The following LRCH3 variants were observed in gnomAD, a reference collection of about 807,000 sequenced individuals.
LRCH3 encodes DISP complex protein LRCH3.
Under a neutral mutation model 104.5 loss-of-function variants are expected in LRCH3, and 68 were observed. That is an observed-to-expected ratio of 0.65 (90% CI 0.54 to 0.80). The LOEUF is 0.80. LRCH3 is among the 30% of genes least tolerant of loss of function. The pLI is 0.00. For missense variants in LRCH3, 951 were observed against 953.9 expected, an observed-to-expected ratio of 1.00 and a Z score of 0.04; for synonymous variants, 344 against 361.3, an observed-to-expected ratio of 0.95 and a Z score of 0.54.
rs183563096 is a variant in LRCH3 at position 197,813,897 on chromosome 3, T to C, written c.263-1011T>C. Among the ~76,000 whole-genome samples, 365 of 152,296 alleles carry C rather than the reference T, an allele frequency of 2.4e-3. 2 individuals are homozygous for C. Among genetic ancestry groups the C allele is most frequent in the African/African-American group, 8.1e-3 (336 of 41,568 alleles). On this transcript the variant is annotated intron_variant, in intron 1 of 20. Transcript: ENST00000425562. ...TCATTGATGTTCAATTCTAGATCCA[T>C]TAATTCATAGGGGTTTTAAAATTGT...
intron 4 of LRCH3, among the ~76,000 whole-genome samples, chr3:197,826,511 G>C (rs1160428541): frequency 3.9e-5 from 6 of 152,192 alleles, no homozygotes; most frequent in Admixed American, 3.9e-4. Flanking sequence ...GAGAAGGATA[G>C]TGCCCCAGCT....
chr3:197,841,405 G>A lies in LRCH3; in HGVS notation c.1328+2008G>A, dbSNP rs544229764. Among the ~76,000 whole-genome samples, 3 of 152,220 alleles carry A rather than the reference G, an allele frequency of 2.0e-5. No homozygotes were observed. The South Asian group carries it at 6.2e-4, about 32-fold the overall frequency. On this transcript the variant is annotated intron_variant, in intron 10 of 20. Transcript: ENST00000425562. ...ACAGGCCAAATCCTCCTTATGTTTGGAATCTTTCTTACTTCCCTTTCTGCC... is the reference window on the plus strand; with the variant it reads ...ACAGGCCAAATCCTCCTTATGTTTGAAATCTTTCTTACTTCCCTTTCTGCC...
At chr3:197,825,605 G>T (rs1261844033) in intron 4 of LRCH3, among the ~76,000 whole-genome samples, 2 of 146,340 alleles carry the variant, frequency 1.4e-5, no homozygotes, top group African/African-American at 2.5e-5. Context: ...TCAGCCTCCC[G>T]AGTAGCTGGG....
chr3:197,883,503 CTTTTT>C lies in LRCH3; in HGVS notation c.2209-36_2209-32del, dbSNP rs893736948. ...AGTTCTATGATATTCATCCGATTTT[CTTTTT>C]TGTTTGTTTTCATGTTACGTTGTCC... On this transcript the variant is annotated intron_variant, in intron 20 of 20. Coordinates refer to ENST00000425562, the MANE Select transcript of LRCH3 (RefSeq NM_001365715.1). The surrounding 1 kb of genome is among the most constrained non-coding windows in gnomAD (Gnocchi z 4.2). 2.6e-6 allele frequency: 4 copies of C among 1,517,098 alleles called. No homozygotes were observed. The highest frequency in any genetic ancestry group is 3.5e-6 in the Non-Finnish European group (4 of 1,136,504). The allele number at this position is 1,517,098 out of a possible 1,614,324, so 94.0% of individuals were successfully genotyped here.
Position 197,847,460 on chromosome 3 carries a change from G to C in LRCH3, c.1380G>C (p.Gln460His). ...SLLSLSASHN[Q>H]LSHTDLELHQ... ...TGTCACTATCAGCAAGTCACAATCA[G>C]GTAATGTTTAGTAGTTGTGTTTATT... is the stretch of plus-strand genomic sequence containing the variant. Residue 460 changes from glutamine (Q) to histidine (H), a missense_variant and splice_region_variant, in exon 11 of 21, where the codon CAG (glutamine) becomes CAC (histidine). Transcript: ENST00000425562. The C allele has an allele frequency of 6.3e-7, 1 of 1,598,176 alleles. No homozygotes were observed. The highest frequency in any genetic ancestry group is 8.5e-7 in the Non-Finnish European group (1 of 1,174,106).
At chr3:197,813,822 C>T (rs1489077634) in intron 1 of LRCH3, among the ~76,000 whole-genome samples, 16 of 152,060 alleles carry the variant, frequency 1.1e-4, no homozygotes, top group African/African-American at 2.9e-4. Context: ...TGAGCCACCG[C>T]GCCTGGCCTG....
At chr3:197,816,181 A>T (rs1337895900) in intron 2 of LRCH3, among the ~76,000 whole-genome samples, 4 of 152,208 alleles carry the variant, frequency 2.6e-5, no homozygotes, top group African/African-American at 9.6e-5. Flanking sequence ...TCAGTAAAAG[A>T]TCTTACAAAT....
At chr3:197,815,537 T>C (rs1448755077) in intron 2 of LRCH3, among the ~76,000 whole-genome samples, 1 of 152,206 alleles carries the variant, frequency 6.6e-6, no homozygotes, top group Non-Finnish European at 1.5e-5. Flanking sequence ...AAGTCAGCTG[T>C]TGTTAGTTGG....
chr3:197,835,841 C>A lies in LRCH3; in HGVS notation c.1251+19C>A, dbSNP rs777614349. 1 of 1,610,014 alleles carries A rather than the reference C, an allele frequency of 6.2e-7. No individual in the cohort carries two copies. Among genetic ancestry groups the A allele is most frequent in the Admixed American group, 1.7e-5 (1 of 59,774 alleles). On this transcript the variant is annotated intron_variant, in intron 9 of 20. Transcript: ENST00000425562. ...TCATGAGGTAGTACACAGATTGAAG[C>A]CTAAATATGTTGCTATCCCTTCATA...
At chr3:197,867,924 T>C (rs1711541453) in intron 17 of LRCH3, among the ~76,000 whole-genome samples, 1 of 152,014 alleles carries the variant, frequency 6.6e-6, no homozygotes, top group African/African-American at 2.4e-5. Context: ...CTTGTGGGGC[T>C]GAGGCGGGAG....
intron 1 of LRCH3, among the ~76,000 whole-genome samples, chr3:197,800,269 GTCT>G (rs1731735444): frequency 6.6e-6 from 1 of 152,052 alleles, no homozygotes; most frequent in South Asian, 2.1e-4. Context: ...GTAAGCCACA[GTCT>G]TCTTAAGATT....
chr3:197,865,265 G>C (rs1319503056), intron 15 of LRCH3, among the ~76,000 whole-genome samples, 158 bp from the exon 16 acceptor site: 1 of 152,170 alleles, frequency 6.6e-6, no homozygotes, highest in East Asian at 1.9e-4. Context: ...TGGGATTACA[G>C]GCATGAGCCA....
rs1284389052 is a variant in LRCH3 at position 197,856,568 on chromosome 3, G to T, written c.1644+2123G>T. Among the ~76,000 whole-genome samples the T allele has an allele frequency of 6.6e-6, 1 of 151,598 alleles. No individual in the cohort carries two copies. The highest frequency in any genetic ancestry group is 1.9e-4 in the East Asian group (1 of 5,168). On this transcript the variant is annotated intron_variant, in intron 14 of 20. Coordinates refer to ENST00000425562, the MANE Select transcript of LRCH3 (RefSeq NM_001365715.1). This position sits in a 1 kb window ranked among gnomAD's most constrained non-coding sequence, Gnocchi z 4.2. ...ACGTGGCTAATTTTTTTATTTTTTT[G>T]TAGAGTCAGGGTCTCACTGTGTTGC...
At chr3:197,807,240 G>A (rs974173075) in intron 1 of LRCH3, among the ~76,000 whole-genome samples, 21 of 145,520 alleles carry the variant, frequency 1.4e-4, no homozygotes, top group African/African-American at 4.3e-4. Context: ...TTTTTGAGAC[G>A]GAGTCTCGTT....
At chr3:197,871,622 A>G in intron 19 of LRCH3, 160 bp downstream of exon 19, 1 of 894,314 alleles carries the variant, frequency 1.1e-6, no homozygotes, top group Non-Finnish European at 1.7e-6. Context: ...AGAAATAGAC[A>G]TGTATACAGC....
chr3:197,881,356 ACCC>A lies in LRCH3; in HGVS notation c.2209-2184_2209-2182del, dbSNP rs1435219019. 3 of 988,054 alleles carry A rather than the reference ACCC, an allele frequency of 3.0e-6. No homozygotes were observed. The East Asian group carries it at 3.4e-4, about 111-fold the overall frequency. 61.2% of individuals were successfully genotyped at this position (988,054 alleles called of 1,614,324 possible). A position where few individuals can be genotyped will look rare whatever the true frequency, so the allele number is the denominator to read the frequency against. On this transcript the variant is annotated intron_variant, in intron 20 of 20. Coordinates refer to ENST00000425562, the MANE Select transcript of LRCH3 (RefSeq NM_001365715.1). ...GGTCAGAATGTTCAGTTTGAAGATC[ACCC>A]ACATTCCCTAGACTGCTCTTCTGAG...
At chr3:197,849,469 C>T (rs1739263166) in intron 12 of LRCH3, among the ~76,000 whole-genome samples, 1 of 151,936 alleles carries the variant, frequency 6.6e-6, no homozygotes, top group African/African-American at 2.4e-5. Context: ...TTCTCTTGTC[C>T]TCCTTTATCT....
intron 2 of LRCH3, among the ~76,000 whole-genome samples, chr3:197,815,654 A>G (rs1733717632): frequency 6.6e-6 from 1 of 152,234 alleles, no homozygotes; most frequent in East Asian, 1.9e-4. Flanking sequence ...TTCATTAAAT[A>G]AGAATAATAG....
intron 3 of LRCH3, among the ~76,000 whole-genome samples, chr3:197,818,810 A>G (rs966809269): frequency 7.9e-5 from 12 of 152,152 alleles, no homozygotes; most frequent in African/African-American, 2.9e-4. Flanking sequence ...TCAGTCATAT[A>G]AGGAACTTGT....
Sources: gnomAD v4.1 joint callset for allele counts (sites outside exome capture counted in the v4.1 genomes callset) on GRCh38, gnomAD v4.1.1 for gene constraint, Gnocchi (gnomAD v3.1) non-coding constraint, MANE v1.5 for transcripts, NCBI Gene and HGNC (gene_info 2026-07-23, HGNC 2026-07-21) for gene names.